SPG21: variants seen among roughly 807,000 people sequenced by gnomAD.
The protein encoded by SPG21 is maspardin.
SPG21 carries 26 observed loss-of-function variants against 38.9 expected under a neutral mutation model. The observed-to-expected ratio is 0.67, with a 90% CI of 0.49 to 0.93. SPG21 has a LOEUF of 0.93. Among genes scored for constraint, SPG21 ranks in the 40% least tolerant of loss-of-function variants. The pLI is 0.00. For synonymous variants in SPG21, 136 were observed against 128.9 expected, an observed-to-expected ratio of 1.05 and a Z score of -0.37; for missense variants, 333 against 376.5, an observed-to-expected ratio of 0.88 and a Z score of 0.96.
chr15:64,976,486 G>T lies in SPG21; in HGVS notation c.295C>A (p.Gln99Lys). ...DGFRKLLDHL[Q>K]LDKVHLFGAS... ...TTCAGGGTACTCACTTTATCCAATT[G>T]TAAATGGTCTAAAAGTTTTCTGAAT... is the stretch of plus-strand genomic sequence containing the variant. The change falls in exon 4 of 9, where the codon CAA becomes AAA. Residue 99 changes from glutamine to lysine, a missense_variant. Gln to Lys is a moderately conservative substitution (Grantham distance 53, BLOSUM62 1). Coordinates refer to ENST00000204566, the MANE Select transcript of SPG21 (RefSeq NM_016630.7). 1 of 1,610,914 alleles carries T rather than the reference G, an allele frequency of 6.2e-7. No homozygotes were observed. The highest frequency in any genetic ancestry group is 8.5e-7 in the Non-Finnish European group (1 of 1,177,212).
intron 5 of SPG21, among the ~76,000 whole-genome samples, chr15:64,972,659 C>T (rs935765064): frequency 5.9e-5 from 9 of 152,064 alleles, no homozygotes; most frequent in South Asian, 2.1e-4. Context: ...GGTGAAACCC[C>T]GTCTCTACTA....
intron 3 of SPG21, among the ~76,000 whole-genome samples, chr15:64,979,683 G>A (rs1193303074): frequency 6.6e-6 from 1 of 151,936 alleles, no homozygotes; most frequent in Non-Finnish European, 1.5e-5. Flanking sequence ...GACGTGACCT[G>A]CCTTTTCATC....
chr15:64,964,745 C>T (rs2085511131), intron 8 of SPG21, among the ~76,000 whole-genome samples: 2 of 152,116 alleles, frequency 1.3e-5, no homozygotes, highest in Admixed American at 6.6e-5. Flanking sequence ...ATTCTTCTGC[C>T]TCAGCCTCCC....
intron 7 of SPG21, among the ~76,000 whole-genome samples, chr15:64,968,897 T>C (rs564260719): frequency 1.6e-4 from 25 of 152,246 alleles, no homozygotes; most frequent in African/African-American, 6.0e-4. Context: ...TTTTGATTCA[T>C]TTTTATTTTT....
intron 1 of SPG21, among the ~76,000 whole-genome samples, chr15:64,984,079 C>T (rs1228244898): frequency 6.6e-6 from 1 of 152,104 alleles, no homozygotes; most frequent in African/African-American, 2.4e-5. Context: ...CCACCATGCC[C>T]GGCCACCAGA....
intron 5 of SPG21, among the ~76,000 whole-genome samples, chr15:64,973,229 A>T (rs1320536961): frequency 6.6e-6 from 1 of 152,152 alleles, no homozygotes. Context: ...TTGGCCTCCC[A>T]AAGTGTTGGG....
At chr15:64,970,941 T>C (rs1357464892) in intron 5 of SPG21, among the ~76,000 whole-genome samples, 1 of 152,140 alleles carries the variant, frequency 6.6e-6, no homozygotes, top group Non-Finnish European at 1.5e-5. Flanking sequence ...GCTTTTGCAA[T>C]GTTGGCCAGA....
chr15:64,977,459 A>G (rs2085802865), intron 3 of SPG21, among the ~76,000 whole-genome samples: 1 of 151,980 alleles, frequency 6.6e-6, no homozygotes, highest in African/African-American at 2.4e-5. Context: ...TCTTGGGTGC[A>G]AGCGATTCTC....
rs772074615 is a variant in SPG21 at position 64,963,740 on chromosome 15, T to C, written c.811-4A>G. 23 of 1,610,648 alleles carry C rather than the reference T, an allele frequency of 1.4e-5. No homozygotes were observed. The highest frequency in any genetic ancestry group is 1.2e-4 in the Admixed American group (7 of 59,980). On this transcript the variant is annotated splice_region_variant and splice_polypyrimidine_tract_variant and intron_variant, in intron 8 of 8. Coordinates refer to ENST00000204566, the MANE Select transcript of SPG21 (RefSeq NM_016630.7). ...CATGGAATTGCAGCAAATGTATCTG[T>C]TGAAATGCAGAATCATTATTTTATT...
chr15:64,983,788 T>TC (rs2140448964), intron 1 of SPG21, among the ~76,000 whole-genome samples, 195 bp from the exon 2 acceptor site: 1 of 150,734 alleles, frequency 6.6e-6, no homozygotes, highest in East Asian at 1.9e-4. Context: ...AAGCACTCTT[T>TC]TTTTTTTTTT....
intron 2 of SPG21, chr15:64,981,720 A>G (rs2085890412): frequency 6.6e-6 from 1 of 151,528 alleles, no homozygotes; most frequent in Admixed American, 6.6e-5. Flanking sequence ...AGTGCTCAGC[A>G]GAGTCTGGCA....
At chr15:64,979,406 T>C (rs1371876617) in intron 3 of SPG21, among the ~76,000 whole-genome samples, 1 of 152,130 alleles carries the variant, frequency 6.6e-6, no homozygotes, top group African/African-American at 2.4e-5. Context: ...TGTTCTAGAA[T>C]GCTGTTTGTG....
intron 2 of SPG21, 74 bp from the exon 3 acceptor site, chr15:64,981,099 T>G: frequency 6.4e-7 from 1 of 1,567,836 alleles, no homozygotes; most frequent in Non-Finnish European, 8.7e-7. Context: ...CACTGTCATT[T>G]CACTGACAAT....
intron 4 of SPG21, among the ~76,000 whole-genome samples, chr15:64,975,585 T>C (rs1440926311): frequency 6.7e-6 from 1 of 150,346 alleles, no homozygotes; most frequent in East Asian, 1.9e-4. Context: ...CTAAGAAAAC[T>C]GTGATTCAGT....
rs765734978 is a variant in SPG21, at chr15:64,983,560, T to A, written c.10A>T (p.Ile4Phe). 7.0e-6 allele frequency: 11 copies of A among 1,575,002 alleles called. No homozygotes were observed. The highest frequency in any genetic ancestry group is 9.5e-6 in the Non-Finnish European group (11 of 1,156,246). Reference sequence around the variant, plus strand: ...CAGTTATAATCAGGAGAGACTTTAATCTCTCCCATGATTAGCTGAAATGGA... The same window carrying A: ...CAGTTATAATCAGGAGAGACTTTAAACTCTCCCATGATTAGCTGAAATGGA... MGE[I>F]KVSPDYNWFR... Residue 4 changes from isoleucine (I) to phenylalanine (F), a missense_variant, in exon 2 of 9, where the codon ATT becomes TTT. Ile to Phe is a conservative substitution (Grantham distance 21, BLOSUM62 0). Transcript: ENST00000204566.
intron 7 of SPG21, among the ~76,000 whole-genome samples, chr15:64,968,361 A>G (rs1021882091): frequency 2.1e-5 from 3 of 142,692 alleles, no homozygotes; most frequent in African/African-American, 7.6e-5. Flanking sequence ...AAAAAAAAAG[A>G]AAGAAATGAC....
rs1306852103 is a variant in SPG21 at position 64,983,355 on chromosome 15, A to G, written c.63+152T>C. The G allele has an allele frequency of 8.1e-6, 5 of 614,134 alleles. No individual in the cohort carries two copies. The East Asian group carries it at 1.4e-4, about 18-fold the overall frequency. 38.0% of individuals were successfully genotyped at this position (614,134 alleles called of 1,614,324 possible). A position where few individuals can be genotyped will look rare whatever the true frequency, so the allele number is the denominator to read the frequency against. On this transcript the variant is annotated intron_variant, in intron 2 of 8. Coordinates refer to ENST00000204566, the MANE Select transcript of SPG21 (RefSeq NM_016630.7). ...GTCTCAAAAGTTGACTGTACATGAC[A>G]GGGAAGGAGTGAACTTAATCCTCTG...
intron 4 of SPG21, 125 bp downstream of exon 4, chr15:64,976,350 G>A (rs1438478659): frequency 9.3e-6 from 6 of 646,682 alleles, no homozygotes; most frequent in African/African-American, 3.7e-5. Flanking sequence ...ACTTGAATCC[G>A]GGAGGTGGAG....
intron 1 of SPG21, 28 bp from the exon 2 acceptor site, chr15:64,983,621 G>A (rs747973368): frequency 1.8e-5 from 24 of 1,334,782 alleles, no homozygotes; most frequent in African/African-American, 2.9e-5. Context: ...GATATTTCAC[G>A]TCAAGAATTC....
Sources: allele counts gnomAD v4.1 joint callset (sites outside exome capture counted in the v4.1 genomes callset), GRCh38; gene constraint gnomAD v4.1.1; transcripts MANE v1.5; gene names NCBI Gene and HGNC (gene_info 2026-07-23, HGNC 2026-07-21).